TTI1: variants seen among roughly 807,000 people sequenced by gnomAD.
The protein encoded by TTI1 is TELO2-interacting protein 1 homolog.
A neutral mutation model predicts 85.4 loss-of-function variants in TTI1; 52 were observed. That is an observed-to-expected ratio of 0.61 (90% CI 0.49 to 0.77). TTI1 has a LOEUF of 0.77. Among genes scored for constraint, TTI1 ranks in the 30% least tolerant of loss-of-function variants. The pLI is 0.00. For missense variants in TTI1, 1,173 were observed against 1,296.0 expected (o/e 0.91, Z 1.46); for synonymous variants, 512 against 503.9 (o/e 1.02, Z -0.22).
intron 2 of TTI1, among the ~76,000 whole-genome samples, chr20:38,009,325 G>A (rs915001930): frequency 5.3e-5 from 8 of 152,084 alleles, no homozygotes; most frequent in Admixed American, 5.2e-4. Context: ...CCACTACACA[G>A]GCTTCCAAGT....
rs2122586086 is a variant in TTI1, at chr20:38,012,362, G to C, written c.1455C>G (p.Phe485Leu). ...YFRFFTDERI[F>L]MLLRQVCQLL... Reference sequence around the variant, plus strand: ...GCTGACAAACCTGCCTCAAGAGCATGAAGATTCTCTCATCAGTGAAGAAGC... The same window carrying C: ...GCTGACAAACCTGCCTCAAGAGCATCAAGATTCTCTCATCAGTGAAGAAGC... Residue 485 changes from phenylalanine to leucine, a missense_variant, in exon 2 of 8, where the codon TTC becomes TTG. By Grantham distance (22) the Phe-to-Leu change is conservative. Transcript: ENST00000373447. The C allele has an allele frequency of 6.2e-7, 1 of 1,614,196 alleles. No individual in the cohort carries two copies. The highest frequency in any genetic ancestry group is 2.2e-5 in the East Asian group (1 of 44,886).
At chr20:38,015,795 C>G (rs1324451453) in intron 1 of TTI1, among the ~76,000 whole-genome samples, 1 of 152,076 alleles carries the variant, frequency 6.6e-6, no homozygotes, top group African/African-American at 2.4e-5. Flanking sequence ...CCTAGTAGAT[C>G]AAGTGGACCT....
At chr20:38,007,391 C>T (rs997514938) in intron 2 of TTI1, among the ~76,000 whole-genome samples, 2 of 152,210 alleles carry the variant, frequency 1.3e-5, no homozygotes, top group Non-Finnish European at 2.9e-5. Context: ...GGTTTTCAAA[C>T]TGTGCCTTGA....
chr20:38,009,514 AT>A (rs113820905), intron 2 of TTI1, among the ~76,000 whole-genome samples: 38 of 148,152 alleles, frequency 2.6e-4, no homozygotes, highest in Admixed American at 3.4e-4. Context: ...TTATTTATTT[AT>A]TTTTTTTTTT....
At chr20:37,989,936 A>C (rs1417064024) in intron 7 of TTI1, among the ~76,000 whole-genome samples, 1 of 152,260 alleles carries the variant, frequency 6.6e-6, no homozygotes, top group Non-Finnish European at 1.5e-5. Flanking sequence ...TGTTCTTTTA[A>C]GATGACCCAC....
At chr20:38,020,317 AAAAAAAATAT>A (rs1401273173) in intron 1 of TTI1, among the ~76,000 whole-genome samples, 2 of 44,050 alleles carry the variant, frequency 4.5e-5, no homozygotes, top group African/African-American at 2.9e-4. Flanking sequence ...TATGAAAAAA[AAAAAAAATAT>A]ATATATATAT....
chr20:38,013,683 A>G lies in TTI1; in HGVS notation c.134T>C (p.Leu45Pro), dbSNP rs2073638887. The change falls in exon 2 of 8, where the codon CTT becomes CCT. Residue 45 changes from leucine to proline, a missense_variant. Transcript: ENST00000373447. ...GAGGATGTACTGCTGAAGTTCCTGA[A>G]GGGCACTGTCACTCACAGCTTGTAG... ...TRLQAVSDSALQELQQYILFP... is the reference protein window; with the variant it reads ...TRLQAVSDSAPQELQQYILFP... 2 of 1,614,206 alleles carry G rather than the reference A, an allele frequency of 1.2e-6. No homozygotes were observed. Among genetic ancestry groups the G allele is most frequent in the South Asian group, 1.1e-5 (1 of 91,080 alleles).
intron 7 of TTI1, among the ~76,000 whole-genome samples, chr20:37,993,667 GCCCTGAGAGCTT>G (rs1181408085): frequency 2.6e-5 from 4 of 152,310 alleles, no homozygotes; most frequent in Non-Finnish European, 4.4e-5. Flanking sequence ...GCAGCCTCCT[GCCCTGAGAGCTT>G]CCCTCACCAG....
chr20:37,998,972 G>A (rs1018544887), intron 5 of TTI1, among the ~76,000 whole-genome samples: 3 of 152,208 alleles, frequency 2.0e-5, no homozygotes, highest in African/African-American at 7.2e-5. Context: ...GGAGTGCTGA[G>A]CTTACTGCCT....
intron 1 of TTI1, among the ~76,000 whole-genome samples, chr20:38,019,773 A>G: frequency 6.6e-6 from 1 of 152,214 alleles, no homozygotes; most frequent in East Asian, 1.9e-4. Flanking sequence ...TGGGATAATT[A>G]CTTGTTGGTG....
At chr20:38,019,321 A>G (rs1297274204) in intron 1 of TTI1, among the ~76,000 whole-genome samples, 1 of 152,222 alleles carries the variant, frequency 6.6e-6, no homozygotes, top group Non-Finnish European at 1.5e-5. Flanking sequence ...ATATAAAAAA[A>G]TTAACTGTAC....
At chr20:38,007,239 T>C (rs2073514857) in intron 2 of TTI1, among the ~76,000 whole-genome samples, 2 of 152,272 alleles carry the variant, frequency 1.3e-5, no homozygotes, top group Admixed American at 6.5e-5. Context: ...GTCTTGAGAA[T>C]GGATGGTCTC....
At chr20:38,009,784 T>C (rs1009239138) in intron 2 of TTI1, among the ~76,000 whole-genome samples, 7 of 152,152 alleles carry the variant, frequency 4.6e-5, no homozygotes, top group African/African-American at 1.7e-4. Context: ...ATTACAGGTG[T>C]GAGCCACGGC....
At position 38,000,230 on chromosome 20, in the gene TTI1, C is replaced by G. The variant is rs567875267; in HGVS notation, c.2653-902G>C. ...ATGCCACTGAATGAGATGGGGAGCA[C>G]GCGGGAGGAGAAAGTTGGGCGGCTA... On this transcript the variant is annotated intron_variant, in intron 4 of 7. Transcript: ENST00000373447. 2.0e-5 allele frequency among the ~76,000 whole-genome samples: 3 copies of G among 152,158 alleles called. No homozygotes were observed. In the South Asian group the frequency reaches 6.2e-4, roughly 32 times the overall value.
At chr20:37,985,076 G>C (rs1023471346) in intron 7 of TTI1, among the ~76,000 whole-genome samples, 1 of 152,192 alleles carries the variant, frequency 6.6e-6, no homozygotes, top group African/African-American at 2.4e-5. Flanking sequence ...TTATTAACAG[G>C]ATTCAAATTA....
At chr20:38,024,739 A>G (rs2073814835) in intron 1 of TTI1, among the ~76,000 whole-genome samples, 1 of 152,192 alleles carries the variant, frequency 6.6e-6, no homozygotes, top group Non-Finnish European at 1.5e-5. Flanking sequence ...GTCTGTAATG[A>G]GGCACCCTCA....
intron 4 of TTI1, chr20:38,000,384 T>C (rs764453569): frequency 6.6e-6 from 1 of 150,666 alleles, no homozygotes; most frequent in Non-Finnish European, 1.5e-5. Flanking sequence ...TGTTTCCTGA[T>C]CTCTTATATC....
chr20:38,033,254 A>G, intron 1 of TTI1, 150 bp downstream of exon 1: 1 of 152,412 alleles, frequency 6.6e-6, no homozygotes, highest in South Asian at 2.1e-4. Context: ...CATATGGAGG[A>G]AAGATGCGGC....
intron 5 of TTI1, among the ~76,000 whole-genome samples, chr20:37,998,439 C>G (rs527253397): frequency 6.6e-6 from 1 of 151,660 alleles, no homozygotes; most frequent in Admixed American, 6.6e-5. Flanking sequence ...TTCTCTCTGC[C>G]TCATCTTGCG....
Sources: gnomAD v4.1 joint callset for allele counts (sites outside exome capture counted in the v4.1 genomes callset) on GRCh38, gnomAD v4.1.1 for gene constraint, MANE v1.5 for transcripts, NCBI Gene and HGNC (gene_info 2026-07-23, HGNC 2026-07-21) for gene names.